The following RNF31 variants were observed in gnomAD, a reference collection of about 807,000 sequenced individuals.
The protein encoded by RNF31 is E3 ubiquitin-protein ligase RNF31.
Under a neutral mutation model 133.6 loss-of-function variants are expected in RNF31, and 38 were observed. The ratio of observed to expected loss-of-function variants is 0.28; its 90% CI spans 0.22 to 0.37. The LOEUF is 0.37. Among genes scored for constraint, RNF31 ranks in the 10% least tolerant of loss-of-function variants. The pLI, the probability that RNF31 is intolerant of heterozygous loss-of-function variation, is 1.00. For missense variants in RNF31, 1,118 were observed against 1,394.1 expected (o/e 0.80, Z 3.15); for synonymous variants, 582 against 552.3 (o/e 1.05, Z -0.75).
In RNF31 at chr14:24,150,652, T is replaced by C. The variant is rs771211898; in HGVS notation, c.1252T>C (p.Cys418Arg). The change falls in exon 8 of 21, where the codon TGT becomes CGT. Residue 418 changes from cysteine (C) to arginine (R), a missense_variant. By Grantham distance (180) the Cys-to-Arg change is radical. This residue lies in a region of RNF31 where 747 missense variants were observed against 827.9 expected (regional missense o/e 0.90). Coordinates refer to ENST00000324103, the MANE Select transcript of RNF31 (RefSeq NM_017999.5). ...AQSQVWYCIH[C>R]TFCNSSPGWV... The stretch of plus-strand genomic sequence containing the variant: ...GAGTCAAGTCTGGTACTGTATTCAC[T>C]GTACCTTCTGCAACTCGAGCCCTGG... 6.2e-7 allele frequency: 1 copy of C among 1,614,112 alleles called. No homozygotes were observed. The highest frequency in any genetic ancestry group is 1.7e-5 in the Admixed American group (1 of 60,028).
In RNF31 at chr14:24,152,307, C is replaced by T. The variant is rs143203097; in HGVS notation, c.2130+315C>T. Among the ~76,000 whole-genome samples, 863 of 152,328 alleles carry T rather than the reference C, an allele frequency of 5.7e-3. 3 individuals carry two copies. Among genetic ancestry groups the T allele is most frequent in the Non-Finnish European group, 8.6e-3 (588 of 68,040 alleles). The stretch of plus-strand genomic sequence containing the variant: ...TTCAGCAATTGTCAACAAACATGAT[C>T]AGTCTTTATTTCACATATATACACA... On this transcript the variant is annotated intron_variant, in intron 11 of 20. Transcript: ENST00000324103.
In RNF31 at chr14:24,155,668, C is replaced by T; in HGVS notation, c.2469C>T (p.Thr823=). 2 of 1,614,160 alleles carry T rather than the reference C, an allele frequency of 1.2e-6. No homozygotes were observed. Among genetic ancestry groups the T allele is most frequent in the East Asian group, 2.2e-5 (1 of 44,880 alleles). The change falls in exon 14 of 21, where the codon ACC becomes ACT. Residue 823 remains threonine, a synonymous_variant. Coordinates refer to ENST00000324103, the MANE Select transcript of RNF31 (RefSeq NM_017999.5). The surrounding 1 kb of genome is among the most constrained non-coding windows in gnomAD (Gnocchi z 4.9). The part of the protein sequence containing the change: ...LEATCPQCHQ[T]FCVRCKRQWE... The stretch of plus-strand genomic sequence containing the variant: ...CAACTTGTCCCCAGTGTCACCAGAC[C>T]TTCTGTGTGCGCTGCAAGCGCCAGG...
intron 14 of RNF31, among the ~76,000 whole-genome samples, chr14:24,157,009 G>T (rs1224823021): frequency 3.9e-5 from 6 of 152,106 alleles, no homozygotes; most frequent in African/African-American, 1.4e-4. Context: ...ATTGAGGCAA[G>T]GTCTGATGGT....
In RNF31 at chr14:24,150,584, C is replaced by G. The variant is rs536267520; in HGVS notation, c.1198-14C>G. The G allele has an allele frequency of 2.5e-6, 4 of 1,602,150 alleles. No homozygotes were observed. The highest frequency in any genetic ancestry group is 3.4e-5 in the Admixed American group (2 of 59,614). ...GCCAGCCAGTCAAAGGGATAATTCT[C>G]TCTGCCTTCCCAGCAGGGGGATGCT... On this transcript the variant is annotated splice_polypyrimidine_tract_variant and intron_variant, in intron 7 of 20. Transcript: ENST00000324103.
chr14:24,158,161 A>T lies in RNF31; in HGVS notation c.2861A>T (p.Asn954Ile). ...CCTCAGGACAATAACGTCATGTTTA[A>T]TACAGAGCCTCCAGCTGGGGCCCGG... is the stretch of plus-strand genomic sequence containing the variant. ...KLLQDNNVMF[N>I]TEPPAGARAV... Residue 954 changes from asparagine to isoleucine, a missense_variant, in exon 18 of 21, where the codon AAT becomes ATT. Asn to Ile is a moderately radical substitution (Grantham distance 149). Around this residue, in one of 3 missense-constraint regions of RNF31, gnomAD observed 170 missense variants for 194.5 expected, o/e 0.87. Transcript: ENST00000324103. 1 of 1,614,252 alleles carries T rather than the reference A, an allele frequency of 6.2e-7. No individual in the cohort carries two copies. The highest frequency in any genetic ancestry group is 8.5e-7 in the Non-Finnish European group (1 of 1,180,046).
chr14:24,150,841 C>G lies in RNF31; in HGVS notation c.1441C>G (p.Gln481Glu), dbSNP rs750625445. 7.6e-6 allele frequency: 12 copies of G among 1,578,686 alleles called. No individual in the cohort carries two copies. In the Admixed American group the frequency reaches 2.2e-4, roughly 28 times the overall value. ...SSCGDPEKQR[Q>E]DKMREEGLQL... ...CTGTGGAGATCCTGAGAAGCAGCGC[C>G]AAGACAAGATGCGGGAAGAAGGCCT... Residue 481 changes from glutamine (Q) to glutamate (E), a missense_variant, in exon 8 of 21, where the codon CAA (glutamine) becomes GAA (glutamate). Around this residue, in one of 3 missense-constraint regions of RNF31, gnomAD observed 747 missense variants for 827.9 expected, o/e 0.90. Transcript: ENST00000324103.
In RNF31 at chr14:24,148,896, G is replaced by A. The variant is rs1204433771; in HGVS notation, c.631+20G>A. 1 of 1,596,732 alleles carries A rather than the reference G, an allele frequency of 6.3e-7. No homozygotes were observed. Reference sequence around the variant, plus strand: ...TCCCAGGTATTATTGGTCCTAAATTGGGGACCAGGTAGGAAGCTATATTGA... The same window carrying A: ...TCCCAGGTATTATTGGTCCTAAATTAGGGACCAGGTAGGAAGCTATATTGA... On this transcript the variant is annotated intron_variant, in intron 5 of 20. Coordinates refer to ENST00000324103, the MANE Select transcript of RNF31 (RefSeq NM_017999.5).
At position 24,154,757 on chromosome 14, in the gene RNF31, C is replaced by G. The variant is rs148556360; in HGVS notation, c.2131-400C>G. ...GGATGCATATAACCACCACCATAAT[C>G]AAGATACAGATTGTTTCATCACCAC... On this transcript the variant is annotated intron_variant, in intron 11 of 20. Coordinates refer to ENST00000324103, the MANE Select transcript of RNF31 (RefSeq NM_017999.5). Among the ~76,000 whole-genome samples the G allele has an allele frequency of 3.8e-3, 575 of 152,308 alleles. 3 individuals carry two copies. Among genetic ancestry groups the G allele is most frequent in the African/African-American group, 0.013 (548 of 41,552 alleles).
In RNF31 at chr14:24,151,027, T is replaced by C; in HGVS notation, c.1489-104T>C. 20 of 1,550,182 alleles carry C rather than the reference T, an allele frequency of 1.3e-5. No individual in the cohort carries two copies. Among genetic ancestry groups the C allele is most frequent in the South Asian group, 4.8e-5 (4 of 82,518 alleles). On this transcript the variant is annotated intron_variant, in intron 8 of 20. Coordinates refer to ENST00000324103, the MANE Select transcript of RNF31 (RefSeq NM_017999.5). This position sits in a 1 kb window ranked among gnomAD's most constrained non-coding sequence, Gnocchi z 5.3. ...TGAGGCAGTTACCATTGCTGTACACTGATGACATGATCCATATGTCTGAGC... is the reference window on the plus strand; with the variant it reads ...TGAGGCAGTTACCATTGCTGTACACCGATGACATGATCCATATGTCTGAGC...
intron 4 of RNF31, 24 bp from the exon 5 acceptor site, chr14:24,148,777 C>A: frequency 6.2e-7 from 1 of 1,613,984 alleles, no homozygotes; most frequent in South Asian, 1.1e-5. Flanking sequence ...AACCCTTATT[C>A]ATTCCCTGCC....
rs756681667 is a variant in RNF31, at chr14:24,148,798, C to G, written c.556-3C>G. The G allele has an allele frequency of 6.2e-7, 1 of 1,614,164 alleles. No homozygotes were observed. The highest frequency in any genetic ancestry group is 1.1e-5 in the South Asian group (1 of 91,088). Reference sequence around the variant, plus strand: ...TATTCATTCCCTGCCCTTTCTTTTTCAGATGCTGCAGCTTTCAGAATTTGA... The same window carrying G: ...TATTCATTCCCTGCCCTTTCTTTTTGAGATGCTGCAGCTTTCAGAATTTGA... On this transcript the variant is annotated splice_polypyrimidine_tract_variant and splice_region_variant and intron_variant, in intron 4 of 20. Coordinates refer to ENST00000324103, the MANE Select transcript of RNF31 (RefSeq NM_017999.5).
At position 24,147,695 on chromosome 14, in the gene RNF31, C is replaced by A; in HGVS notation, c.-4C>A. 1 of 1,498,702 alleles carries A rather than the reference C, an allele frequency of 6.7e-7. No individual in the cohort carries two copies. The highest frequency in any genetic ancestry group is 2.2e-5 in the Admixed American group (1 of 44,700). 92.8% of individuals were successfully genotyped at this position (1,498,702 alleles called of 1,614,324 possible). ...GCGAGGCTGGGGCTGACTCCTGCCT[C>A]AGGATGCCGGGGGAGGAAGAGGAGC... is the stretch of plus-strand genomic sequence containing the variant. On this transcript the variant is annotated 5_prime_UTR_variant, in exon 1 of 21. Transcript: ENST00000324103.
At position 24,151,759 on chromosome 14, in the gene RNF31, C is replaced by A. The variant is rs758970468; in HGVS notation, c.1924-27C>A. 6.3e-7 allele frequency: 1 copy of A among 1,599,150 alleles called. No individual in the cohort carries two copies. ...GGGTCCCTGGAGTCTGACAGCACTT[C>A]CCCCCTCCACCTGAATCATATTGCA... On this transcript the variant is annotated intron_variant, in intron 10 of 20. Coordinates refer to ENST00000324103, the MANE Select transcript of RNF31 (RefSeq NM_017999.5). This position sits in a 1 kb window ranked among gnomAD's most constrained non-coding sequence, Gnocchi z 5.3.
In RNF31 at chr14:24,155,597, T is replaced by A. The variant is rs2038330990; in HGVS notation, c.2404-6T>A. On this transcript the variant is annotated splice_polypyrimidine_tract_variant and splice_region_variant and intron_variant, in intron 13 of 20. Transcript: ENST00000324103. This position sits in a 1 kb window ranked among gnomAD's most constrained non-coding sequence, Gnocchi z 4.9. ...CTTTGATAACTTTATGCTCTTGCAC[T>A]TCCAGTGCTCCTTTGGCTTCATATA... The A allele has an allele frequency of 6.2e-7, 1 of 1,614,068 alleles. No homozygotes were observed. Among genetic ancestry groups the A allele is most frequent in the Admixed American group, 1.7e-5 (1 of 60,004 alleles).
At chr14:24,159,783 C>T (rs1378681224) in intron 18 of RNF31, 81 bp from the exon 19 acceptor site, 1 of 1,137,262 alleles carries the variant, frequency 8.8e-7, no homozygotes, top group African/African-American at 1.5e-5. Flanking sequence ...GGCTGCCTTC[C>T]CTGCCTTGTG....
In RNF31 at chr14:24,160,024, A is replaced by G; in HGVS notation, c.2996+64A>G. Reference sequence around the variant, plus strand: ...GGGTAGAAGTGGTGAGGGCATGCCCAGGCAGTAAAATGGGTCCTTGGGAGC... The same window carrying G: ...GGGTAGAAGTGGTGAGGGCATGCCCGGGCAGTAAAATGGGTCCTTGGGAGC... On this transcript the variant is annotated intron_variant, in intron 19 of 20. Transcript: ENST00000324103. The surrounding 1 kb of genome is among the most constrained non-coding windows in gnomAD (Gnocchi z 4.0). 1 of 1,516,444 alleles carries G rather than the reference A, an allele frequency of 6.6e-7. No homozygotes were observed. Among genetic ancestry groups the G allele is most frequent in the Non-Finnish European group, 9.1e-7 (1 of 1,102,962 alleles). 93.9% of individuals were successfully genotyped at this position (1,516,444 alleles called of 1,614,324 possible).
At position 24,148,026 on chromosome 14, in the gene RNF31, A is replaced by G; in HGVS notation, c.243A>G (p.Lys81=). The G allele has an allele frequency of 6.2e-7, 1 of 1,614,198 alleles. No individual in the cohort carries two copies. The highest frequency in any genetic ancestry group is 8.5e-7 in the Non-Finnish European group (1 of 1,180,024). Residue 81 remains lysine, a synonymous_variant, in exon 2 of 21, where the codon AAA becomes AAG. Transcript: ENST00000324103. Reference sequence around the variant, plus strand: ...CCACGGCTCTGAACATCCTGGAGAAATACGGCCGCAACCTTCTCAGCCCTC... The same window carrying G: ...CCACGGCTCTGAACATCCTGGAGAAGTACGGCCGCAACCTTCTCAGCCCTC... ...TLSTALNILE[K]YGRNLLSPQR...
chr14:24,156,635 C>T (rs931859874), intron 14 of RNF31, among the ~76,000 whole-genome samples: 9 of 151,930 alleles, frequency 5.9e-5, no homozygotes, highest in South Asian at 2.1e-4. Flanking sequence ...AAAAATTAGC[C>T]GGGTGTGGTG....
At position 24,155,527 on chromosome 14, in the gene RNF31, C is replaced by T. The variant is rs918032872; in HGVS notation, c.2403+15C>T. Reference sequence around the variant, plus strand: ...GGTGTGCCCAGGTAAGTGGCCTGCCCAGGGCAGCTACTGTGGAGGGGCAGG... The same window carrying T: ...GGTGTGCCCAGGTAAGTGGCCTGCCTAGGGCAGCTACTGTGGAGGGGCAGG... On this transcript the variant is annotated intron_variant, in intron 13 of 20. Transcript: ENST00000324103. The surrounding 1 kb of genome is among the most constrained non-coding windows in gnomAD (Gnocchi z 4.9). The T allele has an allele frequency of 6.2e-7, 1 of 1,614,050 alleles. No individual in the cohort carries two copies. The highest frequency in any genetic ancestry group is 8.5e-7 in the Non-Finnish European group (1 of 1,179,886).
Sources: gnomAD v4.1 joint callset for allele counts (sites outside exome capture counted in the v4.1 genomes callset) on GRCh38, gnomAD v4.1.1 for gene constraint, gnomAD v4.1.1 regional missense constraint, Gnocchi (gnomAD v3.1) non-coding constraint, MANE v1.5 for transcripts, NCBI Gene and HGNC (gene_info 2026-07-23, HGNC 2026-07-21) for gene names.